NFIA: variants seen among roughly 807,000 people sequenced by gnomAD.
NFIA encodes the protein nuclear factor 1 A-type.
In NFIA, 8 loss-of-function variants were observed where a neutral mutation model predicts 62.8. That is an observed-to-expected ratio of 0.13 (90% CI 0.07 to 0.23). The LOEUF (loss-of-function observed/expected upper bound fraction) is 0.23. Among genes scored for constraint, NFIA ranks in the 10% least tolerant of loss-of-function variants. NFIA has a pLI of 1.00. For missense variants in NFIA, 410 were observed against 642.1 expected (o/e 0.64, Z 3.91); for synonymous variants, 235 against 238.1 (o/e 0.99, Z 0.12).
intron 2 of NFIA, among the ~76,000 whole-genome samples, chr1:61,180,530 C>G (rs1206198733): frequency 6.6e-6 from 1 of 152,086 alleles, no homozygotes; most frequent in Non-Finnish European, 1.5e-5. Flanking sequence ...ACTTTATTAC[C>G]AAGAGAGAAG....
At chr1:61,444,525 G>A (rs530720232) in intron 10 of NFIA, among the ~76,000 whole-genome samples, 14 of 152,286 alleles carry the variant, frequency 9.2e-5, no homozygotes, top group African/African-American at 3.1e-4. Flanking sequence ...CCTGAGGAGT[G>A]TTTTATTTAG....
In NFIA at chr1:61,455,426, G is replaced by A. The variant is rs1227490384; in HGVS notation, c.*106G>A. On this transcript the variant is annotated 3_prime_UTR_variant, in exon 11 of 11. Coordinates refer to ENST00000403491, the MANE Select transcript of NFIA (RefSeq NM_001134673.4). ...GCGCAGTTACAACTTCACTATCAGC[G>A]GAAGGGGAGAAAAACCGATTCAAAT... 1.3e-6 allele frequency: 2 copies of A among 1,575,970 alleles called. No individual in the cohort carries two copies. Among genetic ancestry groups the A allele is most frequent in the Non-Finnish European group, 8.7e-7 (1 of 1,152,610 alleles).
At chr1:61,318,617 T>G (rs1426317137) in intron 3 of NFIA, among the ~76,000 whole-genome samples, 1 of 152,214 alleles carries the variant, frequency 6.6e-6, no homozygotes, top group African/African-American at 2.4e-5. Context: ...TTGAATTCCT[T>G]AATGCTTTGT....
chr1:61,209,148 G>A (rs987192328), intron 2 of NFIA, among the ~76,000 whole-genome samples: 1 of 152,000 alleles, frequency 6.6e-6, no homozygotes, highest in African/African-American at 2.4e-5. Context: ...TCAGATATTG[G>A]TCTTTTGTAT....
intron 2 of NFIA, among the ~76,000 whole-genome samples, chr1:61,180,938 T>C (rs189571189): frequency 6.6e-6 from 1 of 152,336 alleles, no homozygotes; most frequent in African/African-American, 2.4e-5. Flanking sequence ...CATTGGAAGT[T>C]AGCATGGATT....
chr1:61,092,776 C>T (rs1007422990), intron 2 of NFIA, among the ~76,000 whole-genome samples: 7 of 152,046 alleles, frequency 4.6e-5, no homozygotes, highest in African/African-American at 7.2e-5. Context: ...TAGAGAAAGC[C>T]GTGATATGCA....
At chr1:61,351,344 C>T (rs1662539622) in intron 4 of NFIA, among the ~76,000 whole-genome samples, 1 of 152,198 alleles carries the variant, frequency 6.6e-6, no homozygotes, top group East Asian at 1.9e-4. Flanking sequence ...AGCAGGCTCT[C>T]AGTAAGCATT....
At chr1:61,390,348 G>A (rs537116978) in intron 7 of NFIA, among the ~76,000 whole-genome samples, 65 of 152,006 alleles carry the variant, frequency 4.3e-4, no homozygotes, top group Admixed American at 1.1e-3. Flanking sequence ...AAAAATACAC[G>A]ATGGGAGTTT....
At chr1:61,095,068 A>G (rs1304893917) in intron 2 of NFIA, among the ~76,000 whole-genome samples, 1 of 152,240 alleles carries the variant, frequency 6.6e-6, no homozygotes, top group Non-Finnish European at 1.5e-5. Flanking sequence ...ACAAGAAATG[A>G]TGAGGATAAT....
At chr1:61,333,496 G>A (rs899033759) in intron 4 of NFIA, among the ~76,000 whole-genome samples, 4 of 152,192 alleles carry the variant, frequency 2.6e-5, no homozygotes, top group Admixed American at 2.6e-4. Context: ...CATAGGCTAG[G>A]AGAGTCTTGA....
At chr1:61,246,765 G>C (rs1026174759) in intron 2 of NFIA, among the ~76,000 whole-genome samples, 1 of 152,170 alleles carries the variant, frequency 6.6e-6, no homozygotes, top group East Asian at 1.9e-4. Context: ...CGTGTACCGA[G>C]TACTTACTCC....
chr1:61,390,843 A>T (rs1320342705), intron 7 of NFIA, among the ~76,000 whole-genome samples: 1 of 152,222 alleles, frequency 6.6e-6, no homozygotes, highest in Non-Finnish European at 1.5e-5. Flanking sequence ...GGCATAAGGA[A>T]AGCACTCAAT....
chr1:61,199,877 C>T (rs992063722), intron 2 of NFIA, among the ~76,000 whole-genome samples: 5 of 151,114 alleles, frequency 3.3e-5, no homozygotes, highest in Admixed American at 6.6e-5. Context: ...TGCCTGTAAT[C>T]GCAGCTACTC....
intron 4 of NFIA, among the ~76,000 whole-genome samples, chr1:61,341,765 A>T (rs981075562): frequency 5.3e-5 from 8 of 152,252 alleles, no homozygotes; most frequent in Non-Finnish European, 7.3e-5. Context: ...GGCGTGAGCC[A>T]GTGTGCCCAG....
chr1:61,097,922 A>C (rs186124064), intron 2 of NFIA, among the ~76,000 whole-genome samples: 1 of 152,294 alleles, frequency 6.6e-6, no homozygotes, highest in African/African-American at 2.4e-5. Context: ...CTTTTATGAA[A>C]ATGTTGGCTG....
chr1:61,140,373 CG>C (rs1382106223), intron 2 of NFIA, among the ~76,000 whole-genome samples: 1 of 9,380 alleles, frequency 1.1e-4, no homozygotes, highest in Non-Finnish European at 2.7e-4. Flanking sequence ...CGGGCGGGGG[CG>C]GGGGGAGGCA....
intron 7 of NFIA, among the ~76,000 whole-genome samples, chr1:61,389,236 TGG>T (rs1358140513): frequency 6.6e-6 from 1 of 152,190 alleles, no homozygotes; most frequent in Admixed American, 6.5e-5. Context: ...GGTCACAGCA[TGG>T]GCGCTGCCCC....
At chr1:61,378,790 G>T (rs894283140) in intron 6 of NFIA, among the ~76,000 whole-genome samples, 1 of 152,174 alleles carries the variant, frequency 6.6e-6, no homozygotes, top group African/African-American at 2.4e-5. Context: ...GCTTGTGGAT[G>T]TGGGACTAAG....
At chr1:61,445,838 G>A (rs573692265) in intron 10 of NFIA, among the ~76,000 whole-genome samples, 2 of 152,208 alleles carry the variant, frequency 1.3e-5, no homozygotes, top group African/African-American at 4.8e-5. Context: ...CTCAAATGAT[G>A]TGATAACTAG....
Sources: gnomAD v4.1 joint callset for allele counts (sites outside exome capture counted in the v4.1 genomes callset) on GRCh38, gnomAD v4.1.1 for gene constraint, MANE v1.5 for transcripts, NCBI Gene and HGNC (gene_info 2026-07-23, HGNC 2026-07-21) for gene names.